Variants in MAN2B1 observed in about 807,000 individuals in gnomAD.
MAN2B1 encodes the protein mannosidase alpha class 2B member 1, also known as lysosomal alpha-mannosidase.
Under a neutral mutation model 127.5 loss-of-function variants are expected in MAN2B1, and 99 were observed. The ratio of observed to expected loss-of-function variants is 0.78; its 90% CI spans 0.66 to 0.92. The LOEUF (loss-of-function observed/expected upper bound fraction) is 0.92. Among genes scored for constraint, MAN2B1 ranks in the 40% least tolerant of loss-of-function variants. MAN2B1 has a pLI of 0.00. For synonymous variants in MAN2B1, 573 were observed against 568.8 expected (o/e 1.01, Z -0.11); for missense variants, 1,304 against 1,384.8 (o/e 0.94, Z 0.93).
chr19:12,648,337 C>T lies in MAN2B1; in HGVS notation c.2502G>A (p.Ser834=), dbSNP rs1244438379. The change falls in exon 21 of 24, where the codon TCG becomes TCA. Residue 834 remains serine (S), a synonymous_variant. Transcript: ENST00000456935. ...GGTGGCGCCCTCGCACCCACGCCCCCGACCCGTTCTCCATTAGTGGCTCCG... is the reference window on the plus strand; with the variant it reads ...GGTGGCGCCCTCGCACCCACGCCCCTGACCCGTTCTCCATTAGTGGCTCCG... ...GVSEPLMENG[S]GAWVRGRHLV... The T allele has an allele frequency of 6.2e-7, 1 of 1,613,832 alleles. No individual in the cohort carries two copies. Among genetic ancestry groups the T allele is most frequent in the South Asian group, 1.1e-5 (1 of 91,064 alleles).
Position 12,646,675 on chromosome 19 carries a change from G to C in MAN2B1, c.2981C>G (p.Pro994Arg). The C allele has an allele frequency of 6.2e-7, 1 of 1,614,066 alleles. No individual in the cohort carries two copies. Among genetic ancestry groups the C allele is most frequent in the Non-Finnish European group, 8.5e-7 (1 of 1,180,012 alleles). The change falls in exon 24 of 24, where the codon CCC becomes CGC. Residue 994 changes from proline (P) to arginine (R), a missense_variant. By Grantham distance (103) the Pro-to-Arg change is moderately radical. Coordinates refer to ENST00000456935, the MANE Select transcript of MAN2B1 (RefSeq NM_000528.4). ...QLDPANITLE[P>R]MEIRTFLASV... Reference sequence around the variant, plus strand: ...GGCCAGGAAAGTGCGGATTTCCATGGGTTCCAGCGTGATGTTGGCCGGGTC... The same window carrying C: ...GGCCAGGAAAGTGCGGATTTCCATGCGTTCCAGCGTGATGTTGGCCGGGTC...
intron 7 of MAN2B1, among the ~76,000 whole-genome samples, chr19:12,659,166 T>G (rs1225334488): frequency 6.6e-6 from 1 of 151,926 alleles, no homozygotes; most frequent in East Asian, 1.9e-4. Context: ...CTAGACACAA[T>G]TTTTATAATG....
rs1391743738 is a variant in MAN2B1 at position 12,648,312 on chromosome 19, G to C, written c.2527C>G (p.Leu843Val). 1 of 1,613,298 alleles carries C rather than the reference G, an allele frequency of 6.2e-7. No homozygotes were observed. Among genetic ancestry groups the C allele is most frequent in the African/African-American group, 1.3e-5 (1 of 74,914 alleles). Residue 843 changes from leucine to valine, a missense_variant, in exon 21 of 24, where the codon CTG (leucine) becomes GTG (valine). Physicochemically the swap from Leu to Val is conservative, Grantham distance 32. Transcript: ENST00000456935. The stretch of plus-strand genomic sequence containing the variant: ...GCCTGGGCTGTGTCCAGCAGCACCA[G>C]GTGGCGCCCTCGCACCCACGCCCCC... Reference protein sequence around the residue: ...GSGAWVRGRHLVLLDTAQAAA... With the variant: ...GSGAWVRGRHVVLLDTAQAAA...
Position 12,652,249 on chromosome 19 carries a change from G to A in MAN2B1, c.1950C>T (p.Asp650=). The stretch of plus-strand genomic sequence containing the variant: ...CACCTGAGGCCTGGTCACTTTCGTT[G>A]TCACCTATACTGGCGTTGTACCTGG... ...TFFWYNASIG[D]NESDQASGAY... The change falls in exon 16 of 24, where the codon GAC becomes GAT. Residue 650 remains aspartate (D), a synonymous_variant. Transcript: ENST00000456935. 1 of 1,614,106 alleles carries A rather than the reference G, an allele frequency of 6.2e-7. No homozygotes were observed. Among genetic ancestry groups the A allele is most frequent in the Middle Eastern group, 1.6e-4 (1 of 6,062 alleles).
Position 12,656,980 on chromosome 19 carries a change from CTGA to C in MAN2B1, c.1493_1495del (p.Ile498del). 6.2e-7 allele frequency: 1 copy of C among 1,613,706 alleles called. No individual in the cohort carries two copies. Among genetic ancestry groups the C allele is most frequent in the Non-Finnish European group, 8.5e-7 (1 of 1,180,000 alleles). On this transcript the variant is annotated inframe_deletion, in exon 12 of 24. Transcript: ENST00000456935. ...CGCCGTCTGGCTGAGCGGGCAGATGCTGATGTTTAGCTGTTGGCAAAAGGTGAA... is the reference window on the plus strand; with the variant it reads ...CGCCGTCTGGCTGAGCGGGCAGATGCTGTTTAGCTGTTGGCAAAAGGTGAA...
Position 12,658,420 on chromosome 19 carries a change from C to A in MAN2B1, c.1109+8G>T, listed in dbSNP as rs1162803601. On this transcript the variant is annotated splice_region_variant and intron_variant, in intron 8 of 23. Transcript: ENST00000456935. ...AACCCCCCCAAGCTCCCCAGTTTCC[C>A]CAAATACCAGGTGAGGTTGGCCTTG... The A allele has an allele frequency of 6.2e-7, 1 of 1,614,102 alleles. No homozygotes were observed. The highest frequency in any genetic ancestry group is 8.5e-7 in the Non-Finnish European group (1 of 1,180,060).
chr19:12,654,591 C>T (rs940915435), intron 14 of MAN2B1, among the ~76,000 whole-genome samples: 3 of 152,156 alleles, frequency 2.0e-5, no homozygotes, highest in Admixed American at 6.5e-5. Context: ...CCTGTGGGAA[C>T]GTTTTAACTT....
intron 10 of MAN2B1, 57 bp downstream of exon 10, chr19:12,658,006 A>T: frequency 6.6e-6 from 7 of 1,068,632 alleles, no homozygotes; most frequent in Non-Finnish European, 9.9e-6. Flanking sequence ...GGGGCGGCCT[A>T]GGGGTGGTTT....
At chr19:12,664,118 AG>A (rs1018365103) in intron 4 of MAN2B1, among the ~76,000 whole-genome samples, 1 of 152,176 alleles carries the variant, frequency 6.6e-6, no homozygotes, top group Non-Finnish European at 1.5e-5. Flanking sequence ...CTCATCTACT[AG>A]GGGGGCTGAG....
chr19:12,656,559 G>A lies in MAN2B1; in HGVS notation c.1644+12C>T. ...GAGTCCCAGCGGGGGAATATTCGTT[G>A]TTTGGGCTCACATCGCTGGGCACTG... On this transcript the variant is annotated intron_variant, in intron 13 of 23. Coordinates refer to ENST00000456935, the MANE Select transcript of MAN2B1 (RefSeq NM_000528.4). 6.3e-7 allele frequency: 1 copy of A among 1,598,634 alleles called. No individual in the cohort carries two copies. Among genetic ancestry groups the A allele is most frequent in the Middle Eastern group, 1.7e-4 (1 of 5,982 alleles).
chr19:12,654,098 A>C (rs1164691464), intron 14 of MAN2B1, among the ~76,000 whole-genome samples: 8 of 144,962 alleles, frequency 5.5e-5, no homozygotes, highest in Non-Finnish European at 9.0e-5. Context: ...GCTGGAATGC[A>C]GTGGCGCCAT....
chr19:12,652,562 C>T (rs2023865426), intron 14 of MAN2B1, 102 bp from the exon 15 acceptor site: 7 of 789,786 alleles, frequency 8.9e-6, no homozygotes, highest in Admixed American at 2.4e-5. Flanking sequence ...GACTGAGTCT[C>T]ACTCTGTAGC....
chr19:12,657,250 T>A, intron 11 of MAN2B1, 194 bp from the exon 12 acceptor site: 3 of 373,012 alleles, frequency 8.0e-6, no homozygotes, highest in East Asian at 4.7e-5. Context: ...ACGCCCCGCC[T>A]CCTTCCCCCC....
chr19:12,660,336 T>C (rs1257878557), intron 7 of MAN2B1, among the ~76,000 whole-genome samples: 1 of 152,142 alleles, frequency 6.6e-6, no homozygotes, highest in Admixed American at 6.6e-5. Flanking sequence ...AAACCCTGTC[T>C]ACTAAAAATA....
chr19:12,657,454 G>A lies in MAN2B1; in HGVS notation c.1411C>T (p.Pro471Ser). 6.4e-7 allele frequency: 1 copy of A among 1,553,180 alleles called. No individual in the cohort carries two copies. Among genetic ancestry groups the A allele is most frequent in the Non-Finnish European group, 8.7e-7 (1 of 1,149,378 alleles). Reference protein sequence around the residue: ...YARQLAAGWGPCEVLLSNALA... With the variant: ...YARQLAAGWGSCEVLLSNALA... Reference sequence around the variant, plus strand: ...AGTCTCGCCCCGCGCACCTCGCAAGGCCCCCAGCCTGCCGCAAGCTGGCGC... The same window carrying A: ...AGTCTCGCCCCGCGCACCTCGCAAGACCCCCAGCCTGCCGCAAGCTGGCGC... The change falls in exon 11 of 24, where the codon CCT (proline) becomes TCT (serine). Residue 471 changes from proline (P) to serine (S), a missense_variant. Physicochemically the swap from Pro to Ser is moderately conservative, Grantham distance 74. Transcript: ENST00000456935.
At chr19:12,649,308 G>C (rs374660827) in intron 19 of MAN2B1, 33 bp downstream of exon 19, 4 of 1,601,700 alleles carry the variant, frequency 2.5e-6, no homozygotes, top group Non-Finnish European at 8.6e-7. Flanking sequence ...CCTTTCTATC[G>C]AGGTGGGGAG....
Position 12,656,573 on chromosome 19 carries a change from C to G in MAN2B1, c.1642G>C (p.Asp548His). ...GAATATTCGTTGTTTGGGCTCACAT[C>G]GCTGGGCACTGTCCTGCCATTGGGG... Reference protein sequence around the residue: ...KDPNGRTVPSDVVIFPSSDSQ... With the variant: ...KDPNGRTVPSHVVIFPSSDSQ... The change falls in exon 13 of 24, where the codon GAT becomes CAT. Residue 548 changes from aspartate to histidine, a missense_variant and splice_region_variant. Coordinates refer to ENST00000456935, the MANE Select transcript of MAN2B1 (RefSeq NM_000528.4). 6.2e-7 allele frequency: 1 copy of G among 1,611,520 alleles called. No homozygotes were observed. Among genetic ancestry groups the G allele is most frequent in the Non-Finnish European group, 8.5e-7 (1 of 1,177,704 alleles).
rs367980012 is a variant in MAN2B1 at position 12,655,805 on chromosome 19, C to A, written c.1719G>T (p.Leu573=). 1 of 1,613,186 alleles carries A rather than the reference C, an allele frequency of 6.2e-7. No individual in the cohort carries two copies. The highest frequency in any genetic ancestry group is 1.3e-5 in the African/African-American group (1 of 75,016). ...GGGCTACTGAATAGGTGCTGAAGCC[C>A]AGGGCGGGCAGTGAGGCTGAGAACA... ...ELLFSASLPA[L]GFSTYSVAQV... Residue 573 remains leucine (L), a synonymous_variant, in exon 14 of 24, where the codon CTG becomes CTT. Transcript: ENST00000456935.
At position 12,663,800 on chromosome 19, in the gene MAN2B1, A is replaced by G. The variant is rs754983892; in HGVS notation, c.666T>C (p.Asp222=). ...GFDGFFFGRL[D]YQDKWVRMQK... ...GCATCCGTACCCACTTATCTTGATA[A>G]TCAAGGCGCCCAAAGAAGAAGCCGT... Residue 222 remains aspartate (D), a synonymous_variant, in exon 5 of 24, where the codon GAT becomes GAC. Transcript: ENST00000456935. 1 of 1,614,212 alleles carries G rather than the reference A, an allele frequency of 6.2e-7. No homozygotes were observed. The highest frequency in any genetic ancestry group is 8.5e-7 in the Non-Finnish European group (1 of 1,180,040).
Sources: allele counts gnomAD v4.1 joint callset (sites outside exome capture counted in the v4.1 genomes callset), GRCh38; gene constraint gnomAD v4.1.1; transcripts MANE v1.5; gene names NCBI Gene and HGNC (gene_info 2026-07-23, HGNC 2026-07-21).